The following DLGAP1 variants were observed in gnomAD, a reference collection of about 807,000 sequenced individuals.
The protein encoded by DLGAP1 is DLG associated protein 1.
Under a neutral mutation model 90.8 loss-of-function variants are expected in DLGAP1, and 11 were observed. That is an observed-to-expected ratio of 0.12 (90% CI 0.08 to 0.20). The LOEUF (loss-of-function observed/expected upper bound fraction) is 0.20, where lower values mean the gene tolerates loss of function less well. Ranked by LOEUF, DLGAP1 falls within the 10% of genes least tolerant of loss-of-function variation. The probability of loss-of-function intolerance (pLI) is 1.00; values close to 1 mark genes in which losing one functional copy is unlikely to be tolerated. For missense variants in DLGAP1, 1,050 were observed against 1,333.8 expected (o/e 0.79, Z 3.31); for synonymous variants, 558 against 540.7 (o/e 1.03, Z -0.44).
At chr18:4,354,051 G>T (rs534440654) in intron 1 of DLGAP1, among the ~76,000 whole-genome samples, 1 of 152,134 alleles carries the variant, frequency 6.6e-6, no homozygotes, top group African/African-American at 2.4e-5. Flanking sequence ...CCATCGACAG[G>T]TAAGGAGTCT....
intron 7 of DLGAP1, among the ~76,000 whole-genome samples, chr18:3,583,888 C>T (rs2055720689): frequency 6.6e-6 from 1 of 152,156 alleles, no homozygotes; most frequent in South Asian, 2.1e-4. Context: ...GAGGAGGTTG[C>T]AGTGAGCTGA....
At chr18:4,140,969 TC>T (rs1372333636) in intron 2 of DLGAP1, among the ~76,000 whole-genome samples, 1 of 151,988 alleles carries the variant, frequency 6.6e-6, no homozygotes, top group African/African-American at 2.4e-5. Context: ...CCTTTCATTA[TC>T]CTTGACCTTT....
intron 3 of DLGAP1, among the ~76,000 whole-genome samples, chr18:3,905,089 C>T (rs894346769): frequency 1.6e-4 from 24 of 151,290 alleles, no homozygotes; most frequent in African/African-American, 4.4e-4. Context: ...CTGAATAGGC[C>T]GGGCATGGTG....
intron 3 of DLGAP1, among the ~76,000 whole-genome samples, chr18:3,952,345 C>T (rs1699722899): frequency 6.6e-6 from 1 of 152,194 alleles, no homozygotes; most frequent in Admixed American, 6.5e-5. Context: ...TACTCTGGCT[C>T]ATTGGGACCA....
chr18:4,363,579 T>C (rs1008025680), intron 1 of DLGAP1, among the ~76,000 whole-genome samples: 2 of 151,778 alleles, frequency 1.3e-5, no homozygotes, highest in East Asian at 3.9e-4. Context: ...AACAACCCCA[T>C]CAAAAAGTGG....
chr18:3,988,045 A>G (rs2073878027), intron 3 of DLGAP1, among the ~76,000 whole-genome samples: 1 of 152,126 alleles, frequency 6.6e-6, no homozygotes, highest in Admixed American at 6.5e-5. Flanking sequence ...GAATAATTGT[A>G]CAACTCACCA....
At chr18:4,423,028 T>C (rs145805202) in intron 1 of DLGAP1, among the ~76,000 whole-genome samples, 1 of 152,310 alleles carries the variant, frequency 6.6e-6, no homozygotes, top group Non-Finnish European at 1.5e-5. Flanking sequence ...TCTTCCAAGA[T>C]ATTTTTATTT....
At chr18:3,772,446 C>A (rs1290765210) in intron 5 of DLGAP1, among the ~76,000 whole-genome samples, 2 of 58,858 alleles carry the variant, frequency 3.4e-5, no homozygotes, top group African/African-American at 1.1e-4. Flanking sequence ...TCCCTCCCTC[C>A]CCCCCACCCC....
intron 1 of DLGAP1, among the ~76,000 whole-genome samples, chr18:4,260,401 T>C (rs2078979896): frequency 6.6e-6 from 1 of 152,206 alleles, no homozygotes; most frequent in Admixed American, 6.5e-5. Flanking sequence ...GACTTCTCAT[T>C]GATCAGCCTT....
chr18:4,405,262 G>C (rs1231631181), intron 1 of DLGAP1, among the ~76,000 whole-genome samples: 1 of 152,158 alleles, frequency 6.6e-6, no homozygotes, highest in African/African-American at 2.4e-5. Context: ...ATCCAAATCA[G>C]AGGGCAACGT....
chr18:3,732,584 G>T (rs1488749619), intron 6 of DLGAP1, among the ~76,000 whole-genome samples: 1 of 152,084 alleles, frequency 6.6e-6, no homozygotes, highest in Non-Finnish European at 1.5e-5. Flanking sequence ...TTAACTCATA[G>T]ATTTAAAAAT....
At chr18:4,222,928 C>A (rs2078108192) in intron 1 of DLGAP1, among the ~76,000 whole-genome samples, 1 of 151,826 alleles carries the variant, frequency 6.6e-6, no homozygotes. Flanking sequence ...TGACCATAAA[C>A]AGAAAAGAAA....
At chr18:3,554,580 G>A (rs528119159) in intron 9 of DLGAP1, among the ~76,000 whole-genome samples, 1 of 152,180 alleles carries the variant, frequency 6.6e-6, no homozygotes, top group East Asian at 1.9e-4. Context: ...GTGCATTTGC[G>A]ATCCATGGCA....
intron 1 of DLGAP1, among the ~76,000 whole-genome samples, chr18:4,409,892 T>C (rs910619797): frequency 2.0e-5 from 3 of 152,242 alleles, no homozygotes; most frequent in East Asian, 1.9e-4. Flanking sequence ...AATAGCAAAA[T>C]TGTGGAACCA....
At chr18:3,655,064 C>T (rs373015792) in intron 7 of DLGAP1, among the ~76,000 whole-genome samples, 2 of 152,210 alleles carry the variant, frequency 1.3e-5, no homozygotes, top group Non-Finnish European at 1.5e-5. Flanking sequence ...GCCCCCTGAA[C>T]GGCCTCACCA....
At chr18:4,216,001 T>C (rs2077946167) in intron 1 of DLGAP1, among the ~76,000 whole-genome samples, 1 of 152,088 alleles carries the variant, frequency 6.6e-6, no homozygotes, top group Admixed American at 6.6e-5. Context: ...AAATTCACTG[T>C]CTCCTAAATG....
At chr18:4,258,008 TGTGCGC>T (rs556979530) in intron 1 of DLGAP1, among the ~76,000 whole-genome samples, 3,245 of 140,900 alleles carry the variant, frequency 0.023, 35 homozygotes, top group Middle Eastern at 0.035. Flanking sequence ...TGTGTGTGTG[TGTGCGC>T]GCGCGCGCGT....
At chr18:3,598,547 A>C (rs536273185) in intron 7 of DLGAP1, among the ~76,000 whole-genome samples, 2 of 143,548 alleles carry the variant, frequency 1.4e-5, no homozygotes, top group South Asian at 4.4e-4. Flanking sequence ...GGCTCACTGC[A>C]TCCTCTGCCT....
chr18:3,698,553 C>A (rs1290102931), intron 7 of DLGAP1, among the ~76,000 whole-genome samples: 1 of 150,894 alleles, frequency 6.6e-6, no homozygotes, highest in African/African-American at 2.5e-5. Flanking sequence ...GCAGAGAGAT[C>A]TGCTGTTAGT....
Sources: allele counts gnomAD v4.1 joint callset (sites outside exome capture counted in the v4.1 genomes callset), GRCh38; gene constraint gnomAD v4.1.1; transcripts MANE v1.5; gene names NCBI Gene and HGNC (gene_info 2026-07-23, HGNC 2026-07-21).